Variants in GPC6 observed in about 807,000 individuals in gnomAD.
GPC6 encodes glypican-6.
GPC6 carries 14 observed loss-of-function variants against 55.2 expected under a neutral mutation model. The observed-to-expected ratio is 0.25, with a 90% confidence interval of 0.17 to 0.40. The LOEUF (loss-of-function observed/expected upper bound fraction) is 0.40. Ranked by LOEUF, GPC6 falls within the 10% of genes least tolerant of loss-of-function variation. GPC6 has a pLI of 1.00. For missense variants in GPC6, 641 were observed against 708.5 expected, an observed-to-expected ratio of 0.90 and a Z score of 1.08; for synonymous variants, 278 against 259.6, an observed-to-expected ratio of 1.07 and a Z score of -0.68.
chr13:93,303,872 A>ATTTTTTT (rs33964040), intron 1 of GPC6, among the ~76,000 whole-genome samples: 1 of 128,942 alleles, frequency 7.8e-6, no homozygotes, highest in Admixed American at 8.2e-5. Context: ...TGTAGATACT[A>ATTTTTTT]TTTTTTTTTT....
At chr13:93,909,723 A>G (rs112815051) in intron 3 of GPC6, among the ~76,000 whole-genome samples, 1 of 152,046 alleles carries the variant, frequency 6.6e-6, no homozygotes, top group Non-Finnish European at 1.5e-5. Context: ...TTTAGGAAAA[A>G]AAAAATCATA....
intron 2 of GPC6, among the ~76,000 whole-genome samples, chr13:93,662,948 T>C (rs1880984963): frequency 6.6e-6 from 1 of 152,136 alleles, no homozygotes; most frequent in Non-Finnish European, 1.5e-5. Context: ...AGCATATCAT[T>C]ATTTTTATTG....
intron 2 of GPC6, among the ~76,000 whole-genome samples, chr13:93,814,988 A>C (rs994957888): frequency 6.6e-6 from 1 of 152,158 alleles, no homozygotes; most frequent in African/African-American, 2.4e-5. Flanking sequence ...AAACAAAACC[A>C]AAAAACAAAA....
At chr13:94,345,925 CTA>C (rs755514043) in intron 6 of GPC6, among the ~76,000 whole-genome samples, 29 of 152,126 alleles carry the variant, frequency 1.9e-4, no homozygotes, top group Non-Finnish European at 4.0e-4. Flanking sequence ...AGGGGAGAGT[CTA>C]TTTCAGGCCT....
intron 1 of GPC6, among the ~76,000 whole-genome samples, chr13:93,475,941 C>T (rs1236157529): frequency 5.9e-5 from 9 of 151,444 alleles, no homozygotes; most frequent in Admixed American, 2.6e-4. Context: ...TTATTTGTTA[C>T]GCTTTTGAGA....
intron 6 of GPC6, among the ~76,000 whole-genome samples, chr13:94,331,109 G>A (rs150697687): frequency 6.6e-6 from 1 of 152,180 alleles, no homozygotes; most frequent in Non-Finnish European, 1.5e-5. Flanking sequence ...TTTTAGGATG[G>A]GGACTAGTAC....
At chr13:94,166,106 C>T (rs9584195) in intron 4 of GPC6, among the ~76,000 whole-genome samples, 7,423 of 152,156 alleles carry the variant, frequency 0.049, 368 homozygotes, top group East Asian at 0.27. Flanking sequence ...TGAGACCTCC[C>T]TGTCGATAAT....
At chr13:93,563,810 A>G (rs1025082593) in intron 2 of GPC6, among the ~76,000 whole-genome samples, 5 of 151,520 alleles carry the variant, frequency 3.3e-5, no homozygotes, top group East Asian at 3.9e-4. Flanking sequence ...TGGTTTGTCT[A>G]TTCTTAGGAA....
chr13:94,034,966 T>G (rs986623340), intron 4 of GPC6, among the ~76,000 whole-genome samples: 2 of 151,012 alleles, frequency 1.3e-5, no homozygotes, highest in African/African-American at 4.8e-5. Context: ...AAAGTACGAC[T>G]TATGCCTTAT....
intron 3 of GPC6, among the ~76,000 whole-genome samples, chr13:93,981,873 A>G (rs1278797795): frequency 2.6e-5 from 4 of 152,188 alleles, no homozygotes; most frequent in African/African-American, 9.6e-5. Flanking sequence ...TCCAATCACT[A>G]TCTTCAACAA....
chr13:94,015,849 C>G (rs774977282), intron 3 of GPC6, among the ~76,000 whole-genome samples: 6 of 152,188 alleles, frequency 3.9e-5, no homozygotes, highest in Non-Finnish European at 7.3e-5. Flanking sequence ...TTCTATTTCA[C>G]TGATCTGTAT....
intron 1 of GPC6, among the ~76,000 whole-genome samples, chr13:93,377,653 C>G (rs1244253235): frequency 2.0e-5 from 3 of 152,214 alleles, no homozygotes; most frequent in Non-Finnish European, 4.4e-5. Context: ...GGTTCCTTGA[C>G]TTCAGTTTGG....
chr13:93,526,484 G>A (rs1566404986), intron 1 of GPC6, among the ~76,000 whole-genome samples: 1 of 151,996 alleles, frequency 6.6e-6, no homozygotes, highest in Non-Finnish European at 1.5e-5. Context: ...ATTATAAATT[G>A]GGTTAAATGC....
At chr13:93,706,945 T>C (rs561594185) in intron 2 of GPC6, among the ~76,000 whole-genome samples, 2 of 151,776 alleles carry the variant, frequency 1.3e-5, no homozygotes, top group Non-Finnish European at 2.9e-5. Flanking sequence ...ATTGCACTCA[T>C]TGTATGTGGG....
intron 1 of GPC6, among the ~76,000 whole-genome samples, chr13:93,542,890 G>A (rs1032545965): frequency 9.2e-5 from 14 of 152,188 alleles, no homozygotes; most frequent in Non-Finnish European, 1.9e-4. Context: ...CTGAGACTTT[G>A]CTGAAGTTGC....
At chr13:93,436,425 T>C (rs1241218290) in intron 1 of GPC6, among the ~76,000 whole-genome samples, 1 of 152,152 alleles carries the variant, frequency 6.6e-6, no homozygotes, top group Non-Finnish European at 1.5e-5. Context: ...CATGATAGAA[T>C]TCCAAACTGA....
intron 1 of GPC6, among the ~76,000 whole-genome samples, chr13:93,294,691 A>G (rs1297581047): frequency 6.6e-6 from 1 of 152,102 alleles, no homozygotes; most frequent in Non-Finnish European, 1.5e-5. Context: ...AATAACAAAG[A>G]TCTGAAAACC....
At chr13:94,301,301 G>A (rs775571122) in intron 5 of GPC6, among the ~76,000 whole-genome samples, 4 of 152,156 alleles carry the variant, frequency 2.6e-5, no homozygotes, top group Non-Finnish European at 4.4e-5. Flanking sequence ...GGAGGCTGAG[G>A]CAAGAGGATA....
chr13:94,181,036 G>A (rs1030147580), intron 4 of GPC6, among the ~76,000 whole-genome samples: 5 of 152,116 alleles, frequency 3.3e-5, no homozygotes, highest in Admixed American at 3.3e-4. Context: ...CAGTAGGTCT[G>A]GAACAAAACC....
Sources: gnomAD v4.1 joint callset for allele counts (sites outside exome capture counted in the v4.1 genomes callset) on GRCh38, gnomAD v4.1.1 for gene constraint, MANE v1.5 for transcripts, NCBI Gene and HGNC (gene_info 2026-07-23, HGNC 2026-07-21) for gene names.